Variants in RANBP2 observed in about 807,000 individuals in gnomAD.
RANBP2 encodes the protein RAN binding protein 2.
In RANBP2, 57 loss-of-function variants were observed where a neutral mutation model predicts 303.6. The ratio of observed to expected loss-of-function variants is 0.19; its 90% CI spans 0.15 to 0.23. The LOEUF is 0.23. Ranked by LOEUF, RANBP2 falls within the 10% of genes least tolerant of loss-of-function variation. RANBP2 has a pLI of 1.00. For missense variants in RANBP2, 3,138 were observed against 3,780.8 expected (o/e 0.83, Z 4.46); for synonymous variants, 1,167 against 1,301.5 (o/e 0.90, Z 2.23).
chr2:109,167,212 T>A, the RANBP2 span, among the ~76,000 whole-genome samples: 1 of 152,248 alleles, frequency 6.6e-6, no homozygotes, highest in Non-Finnish European at 1.5e-5. Flanking sequence ...TTAAAAAGGA[T>A]GATGGCGGAG....
the RANBP2 span, among the ~76,000 whole-genome samples, chr2:109,382,925 C>T: frequency 8.5e-5 from 13 of 152,268 alleles, no homozygotes; most frequent in African/African-American, 3.1e-4. Context: ...ATGTGTGGAC[C>T]ACGCTCTTCC....
intron 9 of RANBP2, 84 bp from the exon 10 acceptor site, chr2:108,751,180 T>C: frequency 6.4e-7 from 1 of 1,562,560 alleles, no homozygotes; most frequent in Non-Finnish European, 8.8e-7. Flanking sequence ...AAGATATATA[T>C]AATGTGAATT....
chr2:109,696,981 T>C, the RANBP2 span, among the ~76,000 whole-genome samples: 1 of 152,170 alleles, frequency 6.6e-6, no homozygotes, highest in East Asian at 1.9e-4. Flanking sequence ...TCTTATTATG[T>C]TGTCCAGGCT....
intron 20 of RANBP2, among the ~76,000 whole-genome samples, chr2:108,770,942 A>G (rs3096770): frequency 3.3e-5 from 5 of 152,122 alleles, no homozygotes; most frequent in East Asian, 1.9e-4. Flanking sequence ...ATGTTTCCCT[A>G]TCACTAGTTG....
chr2:109,461,459 G>A, the RANBP2 span, among the ~76,000 whole-genome samples: 1 of 123,796 alleles, frequency 8.1e-6, no homozygotes, highest in Non-Finnish European at 1.7e-5. Flanking sequence ...TGATCCACCT[G>A]CCAGAGGCCC....
chr2:109,686,820 C>T, the RANBP2 span, among the ~76,000 whole-genome samples: 1 of 152,078 alleles, frequency 6.6e-6, no homozygotes, highest in Admixed American at 6.6e-5. Context: ...ACCATGTTGC[C>T]CAGGCTGGTC....
the RANBP2 span, among the ~76,000 whole-genome samples, chr2:109,325,311 ATTTC>A: frequency 8.6e-4 from 103 of 119,294 alleles, no homozygotes; most frequent in Non-Finnish European, 1.3e-3. Flanking sequence ...CTGCCATTTA[ATTTC>A]TTTCTTTCTT....
the RANBP2 span, among the ~76,000 whole-genome samples, chr2:109,337,498 C>T: frequency 2.7e-3 from 418 of 152,282 alleles, 3 homozygotes; most frequent in African/African-American, 9.4e-3. Flanking sequence ...CAGGCAAGGG[C>T]GGGAGTCCTG....
chr2:109,233,617 G>C, the RANBP2 span, among the ~76,000 whole-genome samples: 6 of 152,186 alleles, frequency 3.9e-5, no homozygotes, highest in Middle Eastern at 3.2e-3. Context: ...GGCCTTTGCC[G>C]GGGAACCACC....
At chr2:109,751,548 G>A in the RANBP2 span, among the ~76,000 whole-genome samples, 11 of 140,038 alleles carry the variant, frequency 7.9e-5, no homozygotes, top group Admixed American at 2.2e-4. Context: ...AATCTGGGGG[G>A]CTGTCTTAGA....
In RANBP2 at chr2:108,719,632, A is replaced by G. The variant is rs770090106; in HGVS notation, c.26A>G (p.Glu9Gly). The G allele has an allele frequency of 6.2e-7, 1 of 1,608,266 alleles. No individual in the cohort carries two copies. ...ATGAGGCGCAGCAAGGCTGACGTGG[A>G]GCGGTACATCGCCTCGGTGCAGGGC... MRRSKADVERYIASVQGST... is the reference protein window; with the variant it reads MRRSKADVGRYIASVQGST... Residue 9 changes from glutamate (E) to glycine (G), a missense_variant, in exon 1 of 29, where the codon GAG (glutamate) becomes GGG (glycine). By Grantham distance (98) the Glu-to-Gly change is moderately conservative (BLOSUM62 -2). This residue lies in a region of RANBP2 where 306 missense variants were observed against 381.9 expected (regional missense o/e 0.80). Coordinates refer to ENST00000283195, the MANE Select transcript of RANBP2 (RefSeq NM_006267.5).
chr2:109,159,605 A>G, the RANBP2 span, among the ~76,000 whole-genome samples: 2 of 152,170 alleles, frequency 1.3e-5, no homozygotes, highest in Non-Finnish European at 1.5e-5. Flanking sequence ...TGGGCCATGG[A>G]CTGATACCAG....
At chr2:109,457,816 A>G in the RANBP2 span, among the ~76,000 whole-genome samples, 6 of 152,206 alleles carry the variant, frequency 3.9e-5, no homozygotes, top group Admixed American at 3.3e-4. Flanking sequence ...AAACAAGCGC[A>G]CACCCCATAA....
In RANBP2 at chr2:108,768,229, G is replaced by T. The variant is rs749950831; in HGVS notation, c.7690G>T (p.Ala2564Ser). 31 of 1,611,840 alleles carry T rather than the reference G, an allele frequency of 1.9e-5. No individual in the cohort carries two copies. The highest frequency in any genetic ancestry group is 2.0e-5 in the Non-Finnish European group (24 of 1,179,850). Reference protein sequence around the residue: ...KSNNSETSSVAQSGSESKVEP... With the variant: ...KSNNSETSSVSQSGSESKVEP... ...TAACAATAGTGAAACTAGTTCAGTA[G>T]CCCAGAGTGGATCTGAAAGCAAAGT... is the stretch of plus-strand genomic sequence containing the variant. Residue 2564 changes from alanine (A) to serine (S), a missense_variant, in exon 20 of 29, where the codon GCC becomes TCC. This residue lies in a region of RANBP2 where 497 missense variants were observed against 465.8 expected (regional missense o/e 1.07). Transcript: ENST00000283195.
chr2:109,052,703 T>C, the RANBP2 span, among the ~76,000 whole-genome samples: 1 of 152,208 alleles, frequency 6.6e-6, no homozygotes, highest in South Asian at 2.1e-4. Context: ...TTTCACCATG[T>C]TGGCCAGGCT....
the RANBP2 span, among the ~76,000 whole-genome samples, chr2:109,531,677 T>C: frequency 1.3e-5 from 2 of 152,218 alleles, no homozygotes; most frequent in African/African-American, 4.8e-5. Flanking sequence ...AGTTAAATTA[T>C]TGCCAGCCTG....
At chr2:109,702,400 A>G in the RANBP2 span, among the ~76,000 whole-genome samples, 2 of 152,204 alleles carry the variant, frequency 1.3e-5, no homozygotes, top group Admixed American at 6.5e-5. Flanking sequence ...ATGCTTAGTC[A>G]CTGCTTTGCA....
chr2:108,864,403 C>G, the RANBP2 span, among the ~76,000 whole-genome samples: 1 of 152,148 alleles, frequency 6.6e-6, no homozygotes, highest in African/African-American at 2.4e-5. Context: ...TGGCCTATGC[C>G]TGTAATTTCA....
the RANBP2 span, among the ~76,000 whole-genome samples, chr2:108,840,186 C>T: frequency 2.6e-5 from 4 of 151,952 alleles, no homozygotes; most frequent in Non-Finnish European, 5.9e-5. Context: ...TGAAATAAAA[C>T]CCACTTGGTT....
Sources: gnomAD v4.1 joint callset for allele counts (sites outside exome capture counted in the v4.1 genomes callset) on GRCh38, gnomAD v4.1.1 for gene constraint, gnomAD v4.1.1 regional missense constraint, MANE v1.5 for transcripts, NCBI Gene and HGNC (gene_info 2026-07-23, HGNC 2026-07-21) for gene names.